The following WIF1 variants were observed in gnomAD, a reference collection of about 807,000 sequenced individuals.
WIF1 encodes Wnt inhibitory factor 1.
In WIF1, 35 loss-of-function variants were observed where a neutral mutation model predicts 53.5. The observed-to-expected ratio is 0.65, with a 90% confidence interval of 0.50 to 0.87. The LOEUF is 0.87. Among genes scored for constraint, WIF1 ranks in the 40% least tolerant of loss-of-function variants. WIF1 has a pLI of 0.00. For missense variants in WIF1, 467 were observed against 476.8 expected, an observed-to-expected ratio of 0.98 and a Z score of 0.19; for synonymous variants, 171 against 170.4, an observed-to-expected ratio of 1.00 and a Z score of -0.03.
chr12:65,079,605 G>A, intron 2 of WIF1, among the ~76,000 whole-genome samples: 1 of 145,246 alleles, frequency 6.9e-6, no homozygotes. Flanking sequence ...CAGACTGGGT[G>A]ACAGAGTGAG....
chr12:65,054,515 T>C (rs2216889), intron 9 of WIF1, among the ~76,000 whole-genome samples: 83,362 of 152,020 alleles, frequency 0.55, 24,759 homozygotes, highest in East Asian at 0.72. Flanking sequence ...TTTATCTACA[T>C]AGCTAGCTCA....
chr12:65,103,115 A>G (rs1301027734), intron 2 of WIF1, among the ~76,000 whole-genome samples: 1 of 152,246 alleles, frequency 6.6e-6, no homozygotes, highest in Non-Finnish European at 1.5e-5. Flanking sequence ...TCTATAAATC[A>G]TGAACACACA....
intron 2 of WIF1, among the ~76,000 whole-genome samples, chr12:65,108,668 A>G (rs910085134): frequency 1.3e-5 from 2 of 151,874 alleles, no homozygotes; most frequent in Admixed American, 6.6e-5. Context: ...GGTGCTCCTC[A>G]CCTTTCATGG....
At chr12:65,080,633 T>C (rs1179391790) in intron 2 of WIF1, among the ~76,000 whole-genome samples, 1 of 152,216 alleles carries the variant, frequency 6.6e-6, no homozygotes, top group East Asian at 1.9e-4. Flanking sequence ...TGAAAGGATT[T>C]AGTGATAGAT....
In WIF1 at chr12:65,051,243, G is replaced by A. The variant is rs1471427040; in HGVS notation, c.*106C>T. The A allele has an allele frequency of 6.8e-5, 94 of 1,384,368 alleles. 1 individual carries two copies. Among genetic ancestry groups the A allele is most frequent in the Non-Finnish European group, 5.8e-6 (6 of 1,038,692 alleles). The allele number at this position is 1,384,368 out of a possible 1,614,324, so 85.8% of individuals were successfully genotyped here. A position where few individuals can be genotyped will look rare whatever the true frequency, so the allele number is the denominator to read the frequency against. On this transcript the variant is annotated 3_prime_UTR_variant, in exon 10 of 10. Coordinates refer to ENST00000286574, the MANE Select transcript of WIF1 (RefSeq NM_007191.5). ...TTTATAATGAAGCTAATAAAATTCA[G>A]GCCAGTATTCTTAAGTGTAATGAAC...
At chr12:65,105,277 T>C (rs1883336352) in intron 2 of WIF1, among the ~76,000 whole-genome samples, 2 of 152,000 alleles carry the variant, frequency 1.3e-5, no homozygotes, top group Non-Finnish European at 2.9e-5. Context: ...AGGTACACAT[T>C]GGTACTGAAA....
In WIF1 at chr12:65,051,432, C is replaced by T; in HGVS notation, c.1057G>A (p.Gly353Ser). ...ASLIHALRPA[G>S]AQLRQHTPSL... ...GGCGTGTGCTGCCTGAGCTGGGCGC[C>T]TGCTGGCCTCAGGGCATGTATGAGG... The change falls in exon 10 of 10, where the codon GGC (glycine) becomes AGC (serine). Residue 353 changes from glycine to serine, a missense_variant. Physicochemically the swap from Gly to Ser is moderately conservative, Grantham distance 56 (BLOSUM62 0). Coordinates refer to ENST00000286574, the MANE Select transcript of WIF1 (RefSeq NM_007191.5). 1.2e-6 allele frequency: 2 copies of T among 1,613,406 alleles called. No homozygotes were observed. The highest frequency in any genetic ancestry group is 1.7e-6 in the Non-Finnish European group (2 of 1,179,714).
At chr12:65,060,578 A>C (rs534688957) in intron 7 of WIF1, among the ~76,000 whole-genome samples, 1 of 152,286 alleles carries the variant, frequency 6.6e-6, no homozygotes. Context: ...TAATAGGTAC[A>C]GATTTTCTTT....
At chr12:65,089,235 A>G (rs1883087668) in intron 2 of WIF1, among the ~76,000 whole-genome samples, 1 of 152,186 alleles carries the variant, frequency 6.6e-6, no homozygotes, top group African/African-American at 2.4e-5. Flanking sequence ...AAAGCATAAT[A>G]TACCTATTAC....
intron 5 of WIF1, 54 bp from the exon 6 acceptor site, chr12:65,066,790 C>A: frequency 1.5e-6 from 2 of 1,369,634 alleles, no homozygotes; most frequent in South Asian, 1.4e-5. Flanking sequence ...GGAGCAGGAC[C>A]ATTTTGAAAT....
chr12:65,095,820 G>A (rs1883195102), intron 2 of WIF1: 1 of 152,082 alleles, frequency 6.6e-6, no homozygotes, highest in Non-Finnish European at 1.5e-5. Context: ...CCTGTGCAAG[G>A]ATGACATGCA....
Position 65,051,217 on chromosome 12 carries a change from A to C in WIF1, c.*132T>G. 1 of 1,183,180 alleles carries C rather than the reference A, an allele frequency of 8.5e-7. No homozygotes were observed. Among genetic ancestry groups the C allele is most frequent in the Non-Finnish European group, 1.1e-6 (1 of 871,540 alleles). The allele number at this position is 1,183,180 out of a possible 1,614,324, so 73.3% of individuals were successfully genotyped here. A position where few individuals can be genotyped will look rare whatever the true frequency, so the allele number is the denominator to read the frequency against. ...AGGAAGAGTAAATATCAGCTCAGTG[A>C]TTTATAATGAAGCTAATAAAATTCA... On this transcript the variant is annotated 3_prime_UTR_variant, in exon 10 of 10. Coordinates refer to ENST00000286574, the MANE Select transcript of WIF1 (RefSeq NM_007191.5).
intron 2 of WIF1, among the ~76,000 whole-genome samples, chr12:65,102,004 T>A (rs1883288954): frequency 6.6e-6 from 1 of 152,248 alleles, no homozygotes; most frequent in Non-Finnish European, 1.5e-5. Flanking sequence ...TTTCATTGTC[T>A]ACTATGTGTC....
intron 2 of WIF1, among the ~76,000 whole-genome samples, chr12:65,116,825 C>A (rs987265394): frequency 5.4e-5 from 8 of 149,086 alleles, no homozygotes; most frequent in African/African-American, 2.0e-4. Context: ...CCCAGCTACT[C>A]AGGAGGCTGA....
At chr12:65,101,764 G>C (rs977990992) in intron 2 of WIF1, among the ~76,000 whole-genome samples, 1 of 152,160 alleles carries the variant, frequency 6.6e-6, no homozygotes, top group African/African-American at 2.4e-5. Flanking sequence ...ACTTGTCTGA[G>C]GGCTCAGATA....
At chr12:65,053,155 G>A (rs1446526) in intron 9 of WIF1, among the ~76,000 whole-genome samples, 48,663 of 152,006 alleles carry the variant, frequency 0.32, 8,364 homozygotes, top group Middle Eastern at 0.48. Context: ...CTCCTTATCA[G>A]TATGTCCTAG....
intron 2 of WIF1, among the ~76,000 whole-genome samples, chr12:65,114,167 A>AT (rs1040385121): frequency 2.6e-4 from 26 of 100,438 alleles, no homozygotes; most frequent in East Asian, 1.6e-3. Context: ...AATTTACCCT[A>AT]TTTTTTTTAT....
At chr12:65,062,297 T>A (rs1882624982) in intron 7 of WIF1, among the ~76,000 whole-genome samples, 184 bp downstream of exon 7, 1 of 152,180 alleles carries the variant, frequency 6.6e-6, no homozygotes, top group Non-Finnish European at 1.5e-5. Flanking sequence ...TGTGTCACTC[T>A]TTGCCCCACC....
chr12:65,108,572 C>T (rs1398167557), intron 2 of WIF1, among the ~76,000 whole-genome samples: 1 of 152,214 alleles, frequency 6.6e-6, no homozygotes, highest in Non-Finnish European at 1.5e-5. Context: ...AAAGTCATCT[C>T]TATTCCCTCA....
Sources: gnomAD v4.1 joint callset for allele counts (sites outside exome capture counted in the v4.1 genomes callset) on GRCh38, gnomAD v4.1.1 for gene constraint, MANE v1.5 for transcripts, NCBI Gene and HGNC (gene_info 2026-07-23, HGNC 2026-07-21) for gene names.